Variants in CNTNAP2 observed in about 807,000 individuals in gnomAD.
The protein encoded by CNTNAP2 is contactin-associated protein-like 2.
In CNTNAP2, 98 loss-of-function variants were observed where a neutral mutation model predicts 155.2. The ratio of observed to expected loss-of-function variants is 0.63; its 90% CI spans 0.54 to 0.75. The LOEUF (loss-of-function observed/expected upper bound fraction) is 0.75, where lower values mean the gene tolerates loss of function less well. CNTNAP2 is among the 30% of genes least tolerant of loss of function. The pLI, the probability that CNTNAP2 is intolerant of heterozygous loss-of-function variation, is 0.00. For synonymous variants in CNTNAP2, 651 were observed against 631.2 expected (o/e 1.03, Z -0.47); for missense variants, 1,727 against 1,688.1 (o/e 1.02, Z -0.40).
chr7:147,420,883 C>G (rs73475107), intron 10 of CNTNAP2, among the ~76,000 whole-genome samples: 5,046 of 152,252 alleles, frequency 0.033, 109 homozygotes, highest in South Asian at 0.045. Flanking sequence ...TGTTTGTAAT[C>G]TAGTCCTCGG....
In CNTNAP2 at chr7:148,332,028, G is replaced by A. The variant is rs1048751000; in HGVS notation, c.3476-51621G>A. ...TTCCTCCCAGACCAGGGAAGCATTG[G>A]ATGGTGGTTCATGAGGTGCTGGAGG... On this transcript the variant is annotated intron_variant, in intron 21 of 23. Transcript: ENST00000361727. 3.9e-5 allele frequency among the ~76,000 whole-genome samples: 6 copies of A among 152,272 alleles called. No individual in the cohort carries two copies. In the East Asian group the frequency reaches 5.8e-4, roughly 15 times the overall value.
chr7:147,044,468 C>T (rs762072578), intron 4 of CNTNAP2, among the ~76,000 whole-genome samples: 8 of 152,068 alleles, frequency 5.3e-5, no homozygotes, highest in South Asian at 2.1e-4. Context: ...GAACTTCCTT[C>T]GGGTTCACTA....
chr7:147,817,751 A>G (rs113504155), intron 13 of CNTNAP2, among the ~76,000 whole-genome samples: 5,799 of 151,984 alleles, frequency 0.038, 174 homozygotes, highest in Middle Eastern at 0.061. Context: ...AAAATACAAA[A>G]AAAATTAGCC....
intron 1 of CNTNAP2, among the ~76,000 whole-genome samples, chr7:146,171,289 T>G (rs1234060304): frequency 6.6e-6 from 1 of 152,118 alleles, no homozygotes; most frequent in Admixed American, 6.5e-5. Flanking sequence ...TATAGTATAG[T>G]TAGGTAATTA....
intron 5 of CNTNAP2, among the ~76,000 whole-genome samples, chr7:147,119,948 T>C (rs145494768): frequency 1.1e-3 from 163 of 152,330 alleles, no homozygotes; most frequent in African/African-American, 3.9e-3. Context: ...ACAAACTATG[T>C]AAACTTTATC....
intron 9 of CNTNAP2, among the ~76,000 whole-genome samples, chr7:147,328,618 G>A (rs1795502486): frequency 6.6e-6 from 1 of 152,164 alleles, no homozygotes; most frequent in Non-Finnish European, 1.5e-5. Flanking sequence ...AGTCATTAAT[G>A]AAGCAAACGG....
intron 1 of CNTNAP2, among the ~76,000 whole-genome samples, chr7:146,713,011 A>G (rs966004843): frequency 3.9e-5 from 6 of 152,050 alleles, no homozygotes; most frequent in Non-Finnish European, 7.4e-5. Flanking sequence ...AATGCCCTTG[A>G]TAATCTTCAC....
intron 14 of CNTNAP2, among the ~76,000 whole-genome samples, chr7:147,947,344 A>T (rs759604962): frequency 6.6e-6 from 1 of 150,990 alleles, no homozygotes; most frequent in Admixed American, 6.7e-5. Flanking sequence ...CGGTTCTGGT[A>T]CAGTGGCTCA....
intron 13 of CNTNAP2, among the ~76,000 whole-genome samples, chr7:147,875,042 A>T (rs1799399519): frequency 6.6e-6 from 1 of 152,156 alleles, no homozygotes; most frequent in Non-Finnish European, 1.5e-5. Flanking sequence ...AGTCTCTAGG[A>T]AGTTCCAAAC....
chr7:147,529,903 T>C (rs772764735), intron 11 of CNTNAP2, among the ~76,000 whole-genome samples: 1 of 152,194 alleles, frequency 6.6e-6, no homozygotes, highest in Non-Finnish European at 1.5e-5. Flanking sequence ...CCACCAGGTG[T>C]GATAAGGTCC....
intron 9 of CNTNAP2, among the ~76,000 whole-genome samples, chr7:147,341,787 C>T (rs1366139334): frequency 6.6e-6 from 1 of 151,668 alleles, no homozygotes; most frequent in African/African-American, 2.4e-5. Context: ...CACACACACA[C>T]ACACACACAC....
At chr7:146,894,905 CTATGGAAA>C (rs1795845258) in intron 3 of CNTNAP2, among the ~76,000 whole-genome samples, 1 of 152,090 alleles carries the variant, frequency 6.6e-6, no homozygotes, top group Non-Finnish European at 1.5e-5. Flanking sequence ...TTTGAAAACA[CTATGGAAA>C]TTGTCAGCCT....
intron 11 of CNTNAP2, among the ~76,000 whole-genome samples, chr7:147,537,344 CTT>C (rs1381670091): frequency 2.0e-5 from 3 of 152,116 alleles, no homozygotes; most frequent in Non-Finnish European, 2.9e-5. Context: ...GCTTGGAACT[CTT>C]ATATAATCGT....
intron 1 of CNTNAP2, among the ~76,000 whole-genome samples, chr7:146,559,436 C>T (rs970610498): frequency 5.3e-5 from 8 of 151,780 alleles, no homozygotes; most frequent in Non-Finnish European, 1.0e-4. Flanking sequence ...GGTGTGTTGG[C>T]GTGTGGCTGT....
At chr7:146,168,244 CAA>C (rs968064969) in intron 1 of CNTNAP2, among the ~76,000 whole-genome samples, 2 of 151,992 alleles carry the variant, frequency 1.3e-5, no homozygotes, top group Non-Finnish European at 2.9e-5. Flanking sequence ...TGTTGACACT[CAA>C]TATTAACCAT....
chr7:147,033,243 T>C (rs1211492340), intron 3 of CNTNAP2, among the ~76,000 whole-genome samples: 1 of 145,782 alleles, frequency 6.9e-6, no homozygotes, highest in Non-Finnish European at 1.5e-5. Flanking sequence ...GACATGATTT[T>C]GCAATAAAAA....
chr7:146,996,190 G>C (rs562762032), intron 3 of CNTNAP2, among the ~76,000 whole-genome samples: 1 of 151,846 alleles, frequency 6.6e-6, no homozygotes, highest in African/African-American at 2.4e-5. Context: ...TGGTCTTAGT[G>C]CCTTTGTAGG....
At chr7:147,627,139 C>T (rs757326964) in intron 12 of CNTNAP2, among the ~76,000 whole-genome samples, 16 of 152,156 alleles carry the variant, frequency 1.1e-4, no homozygotes, top group Non-Finnish European at 2.1e-4. Flanking sequence ...ATCAAGGGAT[C>T]ACCCTGTGGG....
intron 4 of CNTNAP2, among the ~76,000 whole-genome samples, chr7:147,058,946 G>A (rs1263866632): frequency 6.6e-6 from 1 of 152,144 alleles, no homozygotes; most frequent in Non-Finnish European, 1.5e-5. Context: ...AACGATGCAG[G>A]CCTGATTGTG....
Sources: allele counts gnomAD v4.1 joint callset (sites outside exome capture counted in the v4.1 genomes callset), GRCh38; gene constraint gnomAD v4.1.1; transcripts MANE v1.5; gene names NCBI Gene and HGNC (gene_info 2026-07-23, HGNC 2026-07-21).